Variants in BCL2 observed in about 807,000 individuals in gnomAD.
BCL2 encodes the protein BCL2 apoptosis regulator.
Under a neutral mutation model 14.2 loss-of-function variants are expected in BCL2, and 1 was observed. The observed-to-expected ratio is 0.07, with a 90% CI of 0.02 to 0.33. BCL2 has a LOEUF of 0.33. BCL2 is among the 10% of genes least tolerant of loss of function. The probability of loss-of-function intolerance (pLI) is 0.99; values close to 1 mark genes in which losing one functional copy is unlikely to be tolerated. For missense variants in BCL2, 247 were observed against 305.9 expected, an observed-to-expected ratio of 0.81 and a Z score of 1.44; for synonymous variants, 151 against 137.2, an observed-to-expected ratio of 1.10 and a Z score of -0.70.
intron 2 of BCL2, among the ~76,000 whole-genome samples, chr18:63,142,271 C>T (rs369378273): frequency 7.9e-5 from 12 of 152,230 alleles, no homozygotes; most frequent in East Asian, 3.9e-4. Context: ...CTGGAGGATG[C>T]GGCATCCTCA....
intron 2 of BCL2, among the ~76,000 whole-genome samples, chr18:63,166,171 C>A (rs1915039768): frequency 6.6e-6 from 1 of 152,080 alleles, no homozygotes; most frequent in South Asian, 2.1e-4. Context: ...GTCCCATGCC[C>A]CAGAGAGAGG....
intron 2 of BCL2, among the ~76,000 whole-genome samples, chr18:63,172,996 A>T (rs1025199154): frequency 2.0e-5 from 3 of 152,254 alleles, no homozygotes; most frequent in African/African-American, 7.2e-5. Context: ...GGATGTCTAT[A>T]AATAGTAATT....
intron 2 of BCL2, among the ~76,000 whole-genome samples, chr18:63,291,151 C>G (rs1445127920): frequency 2.0e-5 from 3 of 152,162 alleles, no homozygotes. Flanking sequence ...CTAATTTATG[C>G]TGCAGATTGA....
At chr18:63,179,711 C>T (rs117738561) in intron 2 of BCL2, among the ~76,000 whole-genome samples, 1 of 152,306 alleles carries the variant, frequency 6.6e-6, no homozygotes, top group Non-Finnish European at 1.5e-5. Flanking sequence ...TGGATGGACA[C>T]TCACATTGAT....
At chr18:63,283,926 C>A (rs865773727) in intron 2 of BCL2, among the ~76,000 whole-genome samples, 14 of 152,154 alleles carry the variant, frequency 9.2e-5, no homozygotes, top group African/African-American at 3.4e-4. Flanking sequence ...ATAAACTTGG[C>A]GTTTGTTTCC....
chr18:63,290,351 G>A (rs1054108012), intron 2 of BCL2, among the ~76,000 whole-genome samples: 1 of 151,976 alleles, frequency 6.6e-6, no homozygotes, highest in South Asian at 2.1e-4. Context: ...AAGCTGTGGG[G>A]ATGAAAAAGG....
chr18:63,308,623 G>C (rs572207030), intron 2 of BCL2, among the ~76,000 whole-genome samples: 1 of 152,284 alleles, frequency 6.6e-6, no homozygotes, highest in South Asian at 2.1e-4. Context: ...GCAAAATCTA[G>C]ATTTCTCTTC....
At chr18:63,167,925 C>CA (rs11348997) in intron 2 of BCL2, among the ~76,000 whole-genome samples, 342 of 122,502 alleles carry the variant, frequency 2.8e-3, no homozygotes, top group Non-Finnish European at 3.4e-3. Context: ...GACTCCGTCT[C>CA]AAAAAAAAAA....
rs1599292053 is a variant in BCL2, at chr18:63,288,175, A to C, written c.585+29907T>G. ...CTTTCCACAAATACTGTTTCATTAC[A>C]GCTACAATGAAAAAGAACTTTGAAT... On this transcript the variant is annotated intron_variant, in intron 2 of 2. Transcript: ENST00000333681. 5.9e-5 allele frequency among the ~76,000 whole-genome samples: 9 copies of C among 152,356 alleles called. No individual in the cohort carries two copies. The South Asian group carries it at 1.9e-3, about 32-fold the overall frequency.
intron 2 of BCL2, among the ~76,000 whole-genome samples, chr18:63,255,393 C>T (rs1216287210): frequency 2.0e-5 from 3 of 152,174 alleles, no homozygotes; most frequent in African/African-American, 7.2e-5. Context: ...GGCTCAAAAG[C>T]ATCACCACCT....
intron 2 of BCL2, among the ~76,000 whole-genome samples, chr18:63,172,973 T>C (rs1488819001): frequency 6.6e-6 from 1 of 152,196 alleles, no homozygotes; most frequent in Admixed American, 6.5e-5. Flanking sequence ...TTCCCATTGA[T>C]TGACTCTACG....
intron 2 of BCL2, among the ~76,000 whole-genome samples, chr18:63,240,242 G>A (rs1910962123): frequency 6.6e-6 from 1 of 152,162 alleles, no homozygotes; most frequent in Admixed American, 6.5e-5. Flanking sequence ...ATCCACCTTG[G>A]CCTCCCAAAG....
At chr18:63,136,273 T>C (rs532414229) in intron 2 of BCL2, among the ~76,000 whole-genome samples, 1 of 152,310 alleles carries the variant, frequency 6.6e-6, no homozygotes, top group African/African-American at 2.4e-5. Context: ...GGCAAATACT[T>C]ATTCCAATTG....
At chr18:63,136,337 T>A in intron 2 of BCL2, among the ~76,000 whole-genome samples, 1 of 152,168 alleles carries the variant, frequency 6.6e-6, no homozygotes, top group South Asian at 2.1e-4. Context: ...ACTCAAGCTA[T>A]CATCACTCCC....
chr18:63,318,792 A>G lies in BCL2; in HGVS notation c.-126T>C. On this transcript the variant is annotated 5_prime_UTR_variant, in exon 2 of 3. Transcript: ENST00000333681. The surrounding 1 kb of genome is among the most constrained non-coding windows in gnomAD (Gnocchi z 7.4). ...TATTGGATGTGCTTTGCATTCTTGG[A>G]CGAGGGGGTGTCTTCAATCACGCGG... The G allele has an allele frequency of 6.7e-7, 1 of 1,484,026 alleles. No individual in the cohort carries two copies. Among genetic ancestry groups the G allele is most frequent in the Middle Eastern group, 1.8e-4 (1 of 5,462 alleles). The allele number at this position is 1,484,026 out of a possible 1,614,324, so 91.9% of individuals were successfully genotyped here.
At chr18:63,225,031 CAG>C (rs1047424404) in intron 2 of BCL2, among the ~76,000 whole-genome samples, 10 of 151,790 alleles carry the variant, frequency 6.6e-5, no homozygotes, top group Admixed American at 1.3e-4. Flanking sequence ...AGGTCTCCAG[CAG>C]AGATATCACC....
At chr18:63,178,352 A>G (rs1915397789) in intron 2 of BCL2, among the ~76,000 whole-genome samples, 1 of 152,142 alleles carries the variant, frequency 6.6e-6, no homozygotes, top group Admixed American at 6.6e-5. Context: ...CAGAGATGGA[A>G]GCGCGTCTCA....
chr18:63,158,184 A>T (rs1914832147), intron 2 of BCL2, among the ~76,000 whole-genome samples: 1 of 152,048 alleles, frequency 6.6e-6, no homozygotes, highest in Non-Finnish European at 1.5e-5. Flanking sequence ...AAGCTGGAGG[A>T]GCAGACTGAA....
chr18:63,318,025 C>G lies in BCL2; in HGVS notation c.585+57G>C, dbSNP rs752219121. On this transcript the variant is annotated intron_variant, in intron 2 of 2. Coordinates refer to ENST00000333681, the MANE Select transcript of BCL2 (RefSeq NM_000633.3). This position sits in a 1 kb window ranked among gnomAD's most constrained non-coding sequence, Gnocchi z 7.4. The stretch of plus-strand genomic sequence containing the variant: ...CCCCAGGAGCCCACCCGCACTCCAA[C>G]CCCCGCATCTCGGACCTGTGGCCTC... 2.5e-6 allele frequency: 4 copies of G among 1,583,040 alleles called. No individual in the cohort carries two copies. The South Asian group carries it at 4.6e-5, about 18-fold the overall frequency.
Sources: allele counts gnomAD v4.1 joint callset (sites outside exome capture counted in the v4.1 genomes callset), GRCh38; gene constraint gnomAD v4.1.1; non-coding constraint Gnocchi (gnomAD v3.1); transcripts MANE v1.5; gene names NCBI Gene and HGNC (gene_info 2026-07-23, HGNC 2026-07-21).